Variants in CNOT2 observed in about 807,000 individuals in gnomAD.
The protein encoded by CNOT2 is CCR4-NOT transcription complex subunit 2.
In CNOT2, 7 loss-of-function variants were observed where a neutral mutation model predicts 72.1. That is an observed-to-expected ratio of 0.10 (90% confidence interval 0.06 to 0.18). The LOEUF (loss-of-function observed/expected upper bound fraction) is 0.18, where lower values mean the gene tolerates loss of function less well. CNOT2 is among the 10% of genes least tolerant of loss of function. CNOT2 has a pLI of 1.00. For synonymous variants in CNOT2, 196 were observed against 225.6 expected, an observed-to-expected ratio of 0.87 and a Z score of 1.17; for missense variants, 345 against 660.3, an observed-to-expected ratio of 0.52 and a Z score of 5.23.
intron 2 of CNOT2, chr12:70,301,703 A>T (rs533949203): frequency 2.6e-5 from 4 of 152,208 alleles, no homozygotes; most frequent in Non-Finnish European, 5.9e-5. Context: ...TGTCTCTGCC[A>T]GGCTTTGGTA....
chr12:70,251,970 A>G (rs1593028128), intron 1 of CNOT2, among the ~76,000 whole-genome samples: 5 of 152,336 alleles, frequency 3.3e-5, no homozygotes, highest in African/African-American at 1.2e-4. Context: ...AAATCCCTAC[A>G]TAGGTGCTGA....
chr12:70,343,995 T>G (rs74648964), intron 13 of CNOT2, 133 bp from the exon 14 acceptor site: 1 of 547,072 alleles, frequency 1.8e-6, no homozygotes, highest in Non-Finnish European at 3.2e-6. Flanking sequence ...TGTGTAATCA[T>G]GTAATAACAG....
At chr12:70,275,296 G>T (rs940125385) in intron 1 of CNOT2, among the ~76,000 whole-genome samples, 11 of 151,846 alleles carry the variant, frequency 7.2e-5, no homozygotes, top group Admixed American at 4.6e-4. Flanking sequence ...GTTTATTGCT[G>T]TTTTGCAGCT....
intron 10 of CNOT2, 45 bp downstream of exon 10, chr12:70,338,608 T>C (rs1881023711): frequency 6.3e-7 from 1 of 1,597,186 alleles, no homozygotes; most frequent in Non-Finnish European, 8.5e-7. Flanking sequence ...AGAATGCTTT[T>C]TTTTCTATTT....
chr12:70,301,484 CG>C lies in CNOT2; in HGVS notation c.49-9410del, dbSNP rs887550952. Among the ~76,000 whole-genome samples, 33 of 74,850 alleles carry C rather than the reference CG, an allele frequency of 4.4e-4. No individual in the cohort carries two copies. In the East Asian group the frequency reaches 0.024, roughly 55 times the overall value. The allele number at this position is 74,850 out of a possible 152,430, so 49.1% of individuals were successfully genotyped here. ...TCTGCATCTATTGAGATAATCATGCCGTTTTTTTTCTTTGGTTCTGTTTATA... is the reference window on the plus strand; with the variant it reads ...TCTGCATCTATTGAGATAATCATGCCTTTTTTTTCTTTGGTTCTGTTTATA... On this transcript the variant is annotated intron_variant, in intron 2 of 15. Coordinates refer to ENST00000229195, the MANE Select transcript of CNOT2 (RefSeq NM_014515.7).
At chr12:70,253,839 A>G (rs565909332) in intron 1 of CNOT2, among the ~76,000 whole-genome samples, 1 of 152,344 alleles carries the variant, frequency 6.6e-6, no homozygotes, top group South Asian at 2.1e-4. Context: ...GCCTGAAACT[A>G]CAGATAGCAC....
intron 1 of CNOT2, among the ~76,000 whole-genome samples, chr12:70,257,026 A>G (rs115246036): frequency 1.5e-3 from 233 of 150,762 alleles, no homozygotes; most frequent in African/African-American, 5.5e-3. Flanking sequence ...GTATGATTGA[A>G]CATTTTATTT....
chr12:70,276,954 T>G (rs1868922594), intron 1 of CNOT2, among the ~76,000 whole-genome samples: 1 of 152,034 alleles, frequency 6.6e-6, no homozygotes, highest in African/African-American at 2.4e-5. Context: ...GTAATATTCA[T>G]TTTTAATTTT....
At chr12:70,327,592 C>T (rs1295096093) in intron 4 of CNOT2, 1 of 151,634 alleles carries the variant, frequency 6.6e-6, no homozygotes, top group Non-Finnish European at 1.5e-5. Flanking sequence ...CCTTCCGGCT[C>T]TAAAATTGTT....
At chr12:70,351,637 T>C (rs1423210758) in intron 15 of CNOT2, among the ~76,000 whole-genome samples, 3 of 152,248 alleles carry the variant, frequency 2.0e-5, no homozygotes, top group Non-Finnish European at 4.4e-5. Flanking sequence ...AGTTCATCAA[T>C]GTGAAAAATT....
intron 2 of CNOT2, among the ~76,000 whole-genome samples, chr12:70,292,611 G>C (rs996379488): frequency 2.3e-4 from 35 of 152,140 alleles, no homozygotes; most frequent in African/African-American, 8.4e-4. Context: ...ATGAAGAGAA[G>C]GGGAGAATGC....
Position 70,319,318 on chromosome 12 carries a change from A to T in CNOT2, c.192A>T (p.Thr64=). 2 of 1,610,606 alleles carry T rather than the reference A, an allele frequency of 1.2e-6. No individual in the cohort carries two copies. The highest frequency in any genetic ancestry group is 1.7e-6 in the Non-Finnish European group (2 of 1,177,560). ...TCTAGATGCTGGCATCACCATCTAC[A>T]TCAGGTCAGCTGTCTCAGTTTGGGG... ...SEKDMLASPS[T]SGQLSQFGAS... is the part of the protein sequence containing the mutation. The change falls in exon 4 of 16, where the codon ACA becomes ACT. Residue 64 remains threonine, a synonymous_variant. Transcript: ENST00000229195.
chr12:70,305,573 A>G (rs1321629585), intron 2 of CNOT2, among the ~76,000 whole-genome samples: 1 of 152,246 alleles, frequency 6.6e-6, no homozygotes, highest in African/African-American at 2.4e-5. Flanking sequence ...TGAAGATCAC[A>G]AAGGTTACAG....
chr12:70,304,885 C>T (rs1034909280), intron 2 of CNOT2, among the ~76,000 whole-genome samples: 2 of 152,198 alleles, frequency 1.3e-5, no homozygotes, highest in African/African-American at 4.8e-5. Flanking sequence ...GGGCACCCCT[C>T]CCCCAGCCTG....
intron 11 of CNOT2, among the ~76,000 whole-genome samples, chr12:70,339,064 A>ATGTGTGTGTGTG (rs1413913166): frequency 7.7e-6 from 1 of 129,972 alleles, no homozygotes; most frequent in African/African-American, 3.6e-5. Flanking sequence ...GTGCATGTAT[A>ATGTGTGTGTGTG]TATGTGTGTG....
intron 7 of CNOT2, among the ~76,000 whole-genome samples, chr12:70,334,141 A>T (rs923852323): frequency 3.3e-5 from 5 of 152,142 alleles, no homozygotes; most frequent in Non-Finnish European, 7.4e-5. Flanking sequence ...TTTAAATTCC[A>T]TCTTGGAGGA....
intron 2 of CNOT2, among the ~76,000 whole-genome samples, chr12:70,286,443 G>A (rs1417890853): frequency 6.7e-6 from 1 of 149,852 alleles, no homozygotes; most frequent in Non-Finnish European, 1.5e-5. Flanking sequence ...CATGGTGTTA[G>A]AAGTACAGTT....
intron 4 of CNOT2, among the ~76,000 whole-genome samples, chr12:70,324,629 A>G (rs915931823): frequency 6.6e-6 from 1 of 151,826 alleles, no homozygotes; most frequent in African/African-American, 2.4e-5. Context: ...TCCACAGGTA[A>G]AGATTCTGTG....
At chr12:70,343,324 T>C (rs926253400) in intron 13 of CNOT2, among the ~76,000 whole-genome samples, 1 of 152,208 alleles carries the variant, frequency 6.6e-6, no homozygotes, top group Non-Finnish European at 1.5e-5. Context: ...CGATATAGGA[T>C]CAAATAACGA....
Sources: gnomAD v4.1 joint callset for allele counts (sites outside exome capture counted in the v4.1 genomes callset) on GRCh38, gnomAD v4.1.1 for gene constraint, MANE v1.5 for transcripts, NCBI Gene and HGNC (gene_info 2026-07-23, HGNC 2026-07-21) for gene names.